MRO: variants seen among roughly 807,000 people sequenced by gnomAD.
MRO encodes maestro.
Under a neutral mutation model 31.0 loss-of-function variants are expected in MRO, and 28 were observed. That is an observed-to-expected ratio of 0.90 (90% confidence interval 0.67 to 1.24). MRO has a LOEUF of 1.24. MRO is among the 50% of genes most tolerant of loss of function. The pLI, the probability that MRO is intolerant of heterozygous loss-of-function variation, is 0.00. For synonymous variants in MRO, 108 were observed against 108.4 expected, an observed-to-expected ratio of 1.00 and a Z score of 0.02; for missense variants, 332 against 289.2, an observed-to-expected ratio of 1.15 and a Z score of -1.07.
At chr18:50,817,060 A>C (rs190889496) in intron 2 of MRO, among the ~76,000 whole-genome samples, 2 of 152,198 alleles carry the variant, frequency 1.3e-5, no homozygotes, top group East Asian at 3.9e-4. Context: ...AGGCGTAAGT[A>C]GAACTCAAGG....
chr18:50,810,606 G>T (rs532639885), intron 2 of MRO, among the ~76,000 whole-genome samples: 2 of 152,142 alleles, frequency 1.3e-5, no homozygotes, highest in Non-Finnish European at 2.9e-5. Context: ...TTTACCATGC[G>T]CATGTATTAT....
At chr18:50,799,905 T>G in intron 7 of MRO, 131 bp downstream of exon 7, 1 of 648,198 alleles carries the variant, frequency 1.5e-6, no homozygotes, top group Non-Finnish European at 2.6e-6. Flanking sequence ...AAAGAAAAAA[T>G]AAAAAAATAA....
intron 2 of MRO, chr18:50,814,705 G>T: frequency 5.7e-6 from 1 of 176,906 alleles, no homozygotes. Context: ...GAAGTAATAA[G>T]GAAGAGACAG....
chr18:50,801,117 C>A (rs1251035653), intron 6 of MRO, among the ~76,000 whole-genome samples: 1 of 152,154 alleles, frequency 6.6e-6, no homozygotes, highest in African/African-American at 2.4e-5. Context: ...CTGAGCTTAT[C>A]TTGCATTGAC....
At chr18:50,800,870 G>A (rs1360829517) in intron 6 of MRO, among the ~76,000 whole-genome samples, 1 of 120,362 alleles carries the variant, frequency 8.3e-6, no homozygotes, top group Non-Finnish European at 1.7e-5. Context: ...TGGGCAACAA[G>A]AGCAAAACTG....
At chr18:50,824,604 G>A (rs1915438616), upstream of MRO, among the ~76,000 whole-genome samples, 2 of 150,862 alleles carry the variant, frequency 1.3e-5, no homozygotes, top group South Asian at 4.2e-4. Context: ...ACAGGTGCGT[G>A]CCACCATGCC....
intron 5 of MRO, among the ~76,000 whole-genome samples, chr18:50,803,630 C>G (rs1432811636): frequency 6.6e-6 from 1 of 152,236 alleles, no homozygotes; most frequent in African/African-American, 2.4e-5. Flanking sequence ...AAGTAGGGAC[C>G]TTCGCCCGCT....
intron 2 of MRO, among the ~76,000 whole-genome samples, chr18:50,813,061 A>G (rs1914600408): frequency 6.6e-6 from 1 of 152,120 alleles, no homozygotes; most frequent in African/African-American, 2.4e-5. Flanking sequence ...ATGCAACCTG[A>G]CCCTTTTCAA....
At position 50,799,344 on chromosome 18, in the gene MRO, AT is replaced by A; in HGVS notation, c.739del (p.Ile247PhefsTer67). The A allele has an allele frequency of 4.3e-6, 7 of 1,613,922 alleles. No homozygotes were observed. The highest frequency in any genetic ancestry group is 5.9e-6 in the Non-Finnish European group (7 of 1,179,812). ...EILQFFYANK[I>X]L ...TTCCCTGCTGCTCTGCGCTTACAGA[AT>A]TTTATTTGCGTAGAAGAACTGCAGG... On this transcript the variant is annotated frameshift_variant, in exon 8 of 8. Transcript: ENST00000398439. LOFTEE classifies it high-confidence loss of function.
rs914231814 is a variant in MRO at position 50,800,035 on chromosome 18, C to G, written c.693+1G>C. 5.0e-6 allele frequency: 8 copies of G among 1,609,704 alleles called. No individual in the cohort carries two copies. Among genetic ancestry groups the G allele is most frequent in the Non-Finnish European group, 6.8e-6 (8 of 1,176,394 alleles). On this transcript the variant is annotated splice_donor_variant, in intron 7 of 7. Transcript: ENST00000398439. LOFTEE classifies it high-confidence loss of function. ...ATTCTCTCCTACCCTGGCTCACTCA[C>G]CAGCTGCTGGTAGAGCTTAGTGTTC... is the stretch of plus-strand genomic sequence containing the variant.
At chr18:50,810,633 A>G (rs1914398667) in intron 2 of MRO, among the ~76,000 whole-genome samples, 3 of 152,238 alleles carry the variant, frequency 2.0e-5, no homozygotes, top group South Asian at 4.1e-4. Context: ...AATATAATAT[A>G]CATAAATGTA....
chr18:50,812,286 G>A (rs193132865), intron 2 of MRO, among the ~76,000 whole-genome samples: 7 of 151,946 alleles, frequency 4.6e-5, no homozygotes, highest in African/African-American at 4.8e-5. Context: ...GCATCTTTTC[G>A]TGTGCTTGTT....
At chr18:50,806,656 G>T (rs535351968) in intron 4 of MRO, 48 bp downstream of exon 4, 3 of 1,610,942 alleles carry the variant, frequency 1.9e-6, no homozygotes, top group African/African-American at 1.3e-5. Flanking sequence ...ACACCAAGGT[G>T]GTTGGAGAGG....
chr18:50,801,528 A>G (rs995207922), intron 5 of MRO, 24 bp from the exon 6 acceptor site: 11 of 1,567,734 alleles, frequency 7.0e-6, no homozygotes, highest in Middle Eastern at 1.8e-4. Context: ...CAACAAAACA[A>G]TAAGAAAGCC....
chr18:50,819,536 C>T (rs1915200791), intron 2 of MRO, 45 bp downstream of exon 2: 5 of 1,548,614 alleles, frequency 3.2e-6, no homozygotes, highest in Non-Finnish European at 4.4e-6. Context: ...GCAGCCAGGA[C>T]GCCTCCCGCT....
chr18:50,802,313 G>A (rs1913415354), intron 5 of MRO, among the ~76,000 whole-genome samples: 1 of 152,044 alleles, frequency 6.6e-6, no homozygotes, highest in Non-Finnish European at 1.5e-5. Context: ...AGTCTGATTG[G>A]TTGGTTTGTC....
chr18:50,798,820 G>C lies in MRO; in HGVS notation c.*517C>G, dbSNP rs990203842. The stretch of plus-strand genomic sequence containing the variant: ...ATTATGAGAAGCCAAAGATGCCCCT[G>C]CAAGCCACCTTCTTGGTATCTTGGC... On this transcript the variant is annotated 3_prime_UTR_variant, in exon 8 of 8. Transcript: ENST00000398439. The C allele has an allele frequency of 6.6e-6, 1 of 151,988 alleles. No individual in the cohort carries two copies. Among genetic ancestry groups the C allele is most frequent in the East Asian group, 1.9e-4 (1 of 5,180 alleles). The allele number at this position is 151,988 out of a possible 1,614,324, so 9.4% of individuals were successfully genotyped here. A position where few individuals can be genotyped will look rare whatever the true frequency, so the allele number is the denominator to read the frequency against.
intron 2 of MRO, among the ~76,000 whole-genome samples, chr18:50,819,132 G>C (rs1915167640): frequency 6.6e-6 from 1 of 152,082 alleles, no homozygotes; most frequent in Admixed American, 6.6e-5. Context: ...AAGTAATGTT[G>C]AACAATTAAC....
chr18:50,801,577 C>T, intron 5 of MRO, 73 bp from the exon 6 acceptor site: 2 of 1,408,432 alleles, frequency 1.4e-6, no homozygotes, highest in Non-Finnish European at 1.9e-6. Context: ...GAACACATCA[C>T]AGCCATCGGT....
Sources: allele counts gnomAD v4.1 joint callset (sites outside exome capture counted in the v4.1 genomes callset), GRCh38; gene constraint gnomAD v4.1.1; transcripts MANE v1.5; gene names NCBI Gene and HGNC (gene_info 2026-07-23, HGNC 2026-07-21).